Variants in SLC1A1 observed in about 807,000 individuals in gnomAD.
SLC1A1 encodes the protein excitatory amino acid transporter 3.
Under a neutral mutation model 53.3 loss-of-function variants are expected in SLC1A1, and 43 were observed. The ratio of observed to expected loss-of-function variants is 0.81; its 90% CI spans 0.63 to 1.04. SLC1A1 has a LOEUF of 1.04. SLC1A1 is among the 50% of genes least tolerant of loss of function. The pLI, the probability that SLC1A1 is intolerant of heterozygous loss-of-function variation, is 0.00. For synonymous variants in SLC1A1, 307 were observed against 243.2 expected (o/e 1.26, Z -2.44); for missense variants, 748 against 664.9 (o/e 1.12, Z -1.37).
intron 8 of SLC1A1, among the ~76,000 whole-genome samples, chr9:4,575,054 G>A (rs895937518): frequency 6.6e-6 from 1 of 152,168 alleles, no homozygotes; most frequent in African/African-American, 2.4e-5. Flanking sequence ...GGGTGTATGA[G>A]CTGAGCCATT....
chr9:4,572,415 T>G lies in SLC1A1; in HGVS notation c.767+27T>G, dbSNP rs1032106050. On this transcript the variant is annotated intron_variant, in intron 7 of 11. Coordinates refer to ENST00000262352, the MANE Select transcript of SLC1A1 (RefSeq NM_004170.6). ...TGAGCAGACACTGTTTAATGTCATT[T>G]TGCTTCCCCTGACAATTCTGTCTCC... 3.1e-6 allele frequency: 5 copies of G among 1,591,744 alleles called. No individual in the cohort carries two copies. The African/African-American group carries it at 6.7e-5, about 21-fold the overall frequency.
chr9:4,523,661 G>C (rs1816162274), intron 1 of SLC1A1, among the ~76,000 whole-genome samples: 1 of 152,166 alleles, frequency 6.6e-6, no homozygotes, highest in Non-Finnish European at 1.5e-5. Flanking sequence ...AAACTCTTTT[G>C]AGCATTTCAT....
chr9:4,568,735 A>G (rs1819738468), intron 6 of SLC1A1, among the ~76,000 whole-genome samples: 1 of 151,722 alleles, frequency 6.6e-6, no homozygotes, highest in Non-Finnish European at 1.5e-5. Flanking sequence ...AAAGCATCAT[A>G]TTGAAGTGGT....
chr9:4,509,432 C>T (rs908592311), intron 1 of SLC1A1, among the ~76,000 whole-genome samples: 1 of 151,930 alleles, frequency 6.6e-6, no homozygotes, highest in East Asian at 1.9e-4. Flanking sequence ...ATTAGCTCAT[C>T]TAGGCCTGAA....
At chr9:4,517,956 G>A (rs757079600) in intron 1 of SLC1A1, among the ~76,000 whole-genome samples, 2 of 152,152 alleles carry the variant, frequency 1.3e-5, no homozygotes, top group African/African-American at 2.4e-5. Flanking sequence ...AGCCGAGCAC[G>A]GTGGCTCACG....
chr9:4,570,008 A>G (rs776901950), intron 6 of SLC1A1, among the ~76,000 whole-genome samples: 1 of 152,160 alleles, frequency 6.6e-6, no homozygotes, highest in Non-Finnish European at 1.5e-5. Context: ...GCCATAATGA[A>G]TGAGCAAGAA....
rs1032625181 is a variant in SLC1A1, at chr9:4,556,283, G to T, written c.233-5166G>T. On this transcript the variant is annotated intron_variant, in intron 2 of 11. Transcript: ENST00000262352. The surrounding 1 kb of genome is among the most constrained non-coding windows in gnomAD (Gnocchi z 4.1). Reference sequence around the variant, plus strand: ...GATCCACCTGCCTGGGCCTCCCAAAGTGCTGGGATTACCGGCGTGAGCCAC... The same window carrying T: ...GATCCACCTGCCTGGGCCTCCCAAATTGCTGGGATTACCGGCGTGAGCCAC... Among the ~76,000 whole-genome samples the T allele has an allele frequency of 2.0e-5, 3 of 152,204 alleles. No individual in the cohort carries two copies. Among genetic ancestry groups the T allele is most frequent in the Non-Finnish European group, 4.4e-5 (3 of 68,038 alleles).
chr9:4,586,330 G>A lies in SLC1A1; in HGVS notation c.*772G>A, dbSNP rs1420005001. The A allele has an allele frequency of 6.6e-6, 1 of 152,046 alleles. No individual in the cohort carries two copies. The allele number at this position is 152,046 out of a possible 1,614,324, so 9.4% of individuals were successfully genotyped here. On this transcript the variant is annotated 3_prime_UTR_variant, in exon 12 of 12. Transcript: ENST00000262352. ...CTCCTTGTACTTGAATAATAACCAC[G>A]ATTCCAACCCAGGTCTGCTTTGGGG...
chr9:4,559,646 C>A (rs1032934922), intron 2 of SLC1A1, among the ~76,000 whole-genome samples: 2 of 152,116 alleles, frequency 1.3e-5, no homozygotes, highest in African/African-American at 4.8e-5. Flanking sequence ...CTTGGGGTTG[C>A]CTTGTGACAA....
At chr9:4,564,505 C>A in intron 4 of SLC1A1, 47 bp downstream of exon 4, 4 of 1,064,710 alleles carry the variant, frequency 3.8e-6, no homozygotes, top group African/African-American at 1.5e-5. Flanking sequence ...CGGATAGCAG[C>A]ACAAGGCCTT....
At chr9:4,521,356 G>A (rs1324706067) in intron 1 of SLC1A1, among the ~76,000 whole-genome samples, 3 of 152,184 alleles carry the variant, frequency 2.0e-5, no homozygotes, top group African/African-American at 4.8e-5. Context: ...GAGTTTGGGG[G>A]TGAGAAGGAA....
intron 1 of SLC1A1, among the ~76,000 whole-genome samples, chr9:4,510,492 A>G (rs1820964531): frequency 1.3e-5 from 2 of 152,214 alleles, no homozygotes; most frequent in Admixed American, 1.3e-4. Flanking sequence ...TATAAAATTT[A>G]TGGCTCAGAT....
chr9:4,506,088 AT>A (rs1820800222), intron 1 of SLC1A1, among the ~76,000 whole-genome samples: 1 of 152,018 alleles, frequency 6.6e-6, no homozygotes, highest in Non-Finnish European at 1.5e-5. Context: ...TGCCTCCCAA[AT>A]TGCTGGGATT....
At chr9:4,498,855 C>G (rs932935633) in intron 1 of SLC1A1, among the ~76,000 whole-genome samples, 1 of 148,020 alleles carries the variant, frequency 6.8e-6, no homozygotes, top group African/African-American at 2.5e-5. Context: ...ATTGCTTATA[C>G]TTTCTCTAAA....
chr9:4,563,725 C>G (rs535095831), intron 3 of SLC1A1, among the ~76,000 whole-genome samples: 4 of 152,224 alleles, frequency 2.6e-5, no homozygotes, highest in Non-Finnish European at 5.9e-5. Flanking sequence ...ATGATGCTGT[C>G]AGATGCTCTG....
rs546856223 is a variant in SLC1A1 at position 4,526,584 on chromosome 9, G to C, written c.92-17983G>C. On this transcript the variant is annotated intron_variant, in intron 1 of 11. Transcript: ENST00000262352. The stretch of plus-strand genomic sequence containing the variant: ...TTTTATTTGGAAAAAAAGATCTGTG[G>C]AGGATTTGTTCAGTCTGCGTGGTGG... 2.6e-5 allele frequency among the ~76,000 whole-genome samples: 4 copies of C among 152,270 alleles called. No individual in the cohort carries two copies. In the South Asian group the frequency reaches 6.2e-4, roughly 24 times the overall value.
chr9:4,576,451 T>G lies in SLC1A1; in HGVS notation c.999-118T>G, dbSNP rs2072657. 0.3 allele frequency: 248,864 copies of G among 837,180 alleles called. 37,810 individuals carry two copies. Among genetic ancestry groups the G allele is most frequent in the South Asian group, 0.37 (26,223 of 70,534 alleles). 51.9% of individuals were successfully genotyped at this position (837,180 alleles called of 1,614,324 possible). ...TGTTTTGTTATTTTCTTTACTTTTCTCGACAAGATTACCTAAAAGGACCCT... is the reference window on the plus strand; with the variant it reads ...TGTTTTGTTATTTTCTTTACTTTTCGCGACAAGATTACCTAAAAGGACCCT... On this transcript the variant is annotated intron_variant, in intron 9 of 11. Transcript: ENST00000262352.
chr9:4,575,990 C>T lies in SLC1A1; in HGVS notation c.876-11C>T. On this transcript the variant is annotated splice_polypyrimidine_tract_variant and intron_variant, in intron 8 of 11. Transcript: ENST00000262352. ...ATCTTTGAAACTTTAATTTCTCTTT[C>T]TTGTTTACAGGCTTGCAATCCACTC... is the stretch of plus-strand genomic sequence containing the variant. The T allele has an allele frequency of 6.2e-7, 1 of 1,613,762 alleles. No homozygotes were observed. The highest frequency in any genetic ancestry group is 8.5e-7 in the Non-Finnish European group (1 of 1,179,652).
intron 2 of SLC1A1, among the ~76,000 whole-genome samples, chr9:4,548,441 A>G (rs1175084907): frequency 2.0e-5 from 3 of 152,214 alleles, no homozygotes. Flanking sequence ...AAACACAGCT[A>G]GAATTCAGAC....
Sources: gnomAD v4.1 joint callset for allele counts (sites outside exome capture counted in the v4.1 genomes callset) on GRCh38, gnomAD v4.1.1 for gene constraint, Gnocchi (gnomAD v3.1) non-coding constraint, MANE v1.5 for transcripts, NCBI Gene and HGNC (gene_info 2026-07-23, HGNC 2026-07-21) for gene names.